Variants in PALLD observed in about 807,000 individuals in gnomAD.
PALLD encodes the protein palladin.
Under a neutral mutation model 123.5 loss-of-function variants are expected in PALLD, and 61 were observed. The ratio of observed to expected loss-of-function variants is 0.49; its 90% confidence interval spans 0.40 to 0.61. The LOEUF is 0.61. PALLD is among the 20% of genes least tolerant of loss of function. The pLI, the probability that PALLD is intolerant of heterozygous loss-of-function variation, is 0.00. For synonymous variants in PALLD, 465 were observed against 496.4 expected (o/e 0.94, Z 0.84); for missense variants, 1,273 against 1,377.0 (o/e 0.92, Z 1.20).
intron 10 of PALLD, among the ~76,000 whole-genome samples, chr4:168,797,546 T>C (rs527909759): frequency 1.1e-3 from 163 of 152,216 alleles, no homozygotes; most frequent in African/African-American, 3.8e-3. Context: ...AGCAGGTGCC[T>C]TACGAAAAAG....
chr4:168,626,197 G>C (rs924874151), intron 2 of PALLD, among the ~76,000 whole-genome samples: 1 of 151,776 alleles, frequency 6.6e-6, no homozygotes, highest in African/African-American at 2.4e-5. Context: ...TCAGGAGATC[G>C]AGACCATCCT....
chr4:168,839,414 G>C (rs1187720298), intron 10 of PALLD, among the ~76,000 whole-genome samples: 1 of 152,108 alleles, frequency 6.6e-6, no homozygotes, highest in Non-Finnish European at 1.5e-5. Flanking sequence ...GCGCTCTGTA[G>C]GTAGTCAATG....
At chr4:168,756,348 G>A (rs1035340814) in intron 10 of PALLD, 3 of 223,518 alleles carry the variant, frequency 1.3e-5, no homozygotes, top group Admixed American at 1.3e-4. Context: ...TGGTATCTAT[G>A]TCTCTGAAAA....
At position 168,887,954 on chromosome 4, in the gene PALLD, G is replaced by C. The variant is rs116808467; in HGVS notation, c.1965-2968G>C. 2.8e-3 allele frequency among the ~76,000 whole-genome samples: 433 copies of C among 152,158 alleles called. 1 individual carries two copies. The highest frequency in any genetic ancestry group is 5.0e-3 in the Non-Finnish European group (337 of 67,986). On this transcript the variant is annotated intron_variant, in intron 10 of 21. Coordinates refer to ENST00000505667, the MANE Select transcript of PALLD (RefSeq NM_001166108.2). ...AGCCATGGTAAGGGAGAGACAATAT[G>C]AAAAAATAGTAGAGTGATAGATGCT...
intron 2 of PALLD, among the ~76,000 whole-genome samples, chr4:168,557,187 G>A (rs1285687569): frequency 6.6e-6 from 1 of 152,110 alleles, no homozygotes; most frequent in East Asian, 1.9e-4. Flanking sequence ...GGGATTACAG[G>A]TGTGTGCCAC....
chr4:168,890,360 C>T (rs1301364530), intron 10 of PALLD, among the ~76,000 whole-genome samples: 2 of 152,098 alleles, frequency 1.3e-5, no homozygotes, highest in Non-Finnish European at 2.9e-5. Flanking sequence ...CATTGGCCTA[C>T]CCTAATCAAA....
chr4:168,686,998 G>A (rs1782126518), intron 6 of PALLD, among the ~76,000 whole-genome samples: 1 of 152,166 alleles, frequency 6.6e-6, no homozygotes. Flanking sequence ...GCAAATTGCT[G>A]GAGAAAGAAT....
chr4:168,779,398 T>C (rs1003813496), intron 10 of PALLD, among the ~76,000 whole-genome samples: 2 of 152,124 alleles, frequency 1.3e-5, no homozygotes, highest in Admixed American at 1.3e-4. Flanking sequence ...ATAAGGATGC[T>C]GGGGAGAAAA....
At chr4:168,802,881 G>A (rs1215372445) in intron 10 of PALLD, among the ~76,000 whole-genome samples, 4 of 152,062 alleles carry the variant, frequency 2.6e-5, no homozygotes, top group Non-Finnish European at 4.4e-5. Flanking sequence ...TAGTAGAGAC[G>A]GGGTTTCTCC....
chr4:168,793,200 C>CATATATATACATATATGTGTGTGT, intron 10 of PALLD, among the ~76,000 whole-genome samples: 2 of 55,996 alleles, frequency 3.6e-5, no homozygotes, highest in Non-Finnish European at 7.2e-5. Context: ...TATATGTGTG[C>CATATATATACATATATGTGTGTGT]ATATATATAC....
chr4:168,654,166 C>T (rs932125190), intron 2 of PALLD, among the ~76,000 whole-genome samples: 10 of 152,146 alleles, frequency 6.6e-5, no homozygotes, highest in African/African-American at 2.4e-4. Flanking sequence ...AACAAAGGAA[C>T]GATTATAATT....
chr4:168,926,525 T>G lies in PALLD; in HGVS notation c.*345T>G, dbSNP rs1182928127. ...AAAAAACACCAAAATAATATTTTTC[T>G]TACTTGATATACCAAACTTAGTTTA... On this transcript the variant is annotated 3_prime_UTR_variant, in exon 22 of 22. Coordinates refer to ENST00000505667, the MANE Select transcript of PALLD (RefSeq NM_001166108.2). 8 of 621,684 alleles carry G rather than the reference T, an allele frequency of 1.3e-5. No homozygotes were observed. Among genetic ancestry groups the G allele is most frequent in the Non-Finnish European group, 2.2e-5 (8 of 370,750 alleles). 38.5% of individuals were successfully genotyped at this position (621,684 alleles called of 1,614,324 possible).
At position 168,679,501 on chromosome 4, in the gene PALLD, GTGTT is replaced by G. The variant is rs200084950; in HGVS notation, c.1088-1827_1088-1824del. 7.9e-3 allele frequency among the ~76,000 whole-genome samples: 1,119 copies of G among 140,786 alleles called. 16 individuals carry two copies. The highest frequency in any genetic ancestry group is 0.029 in the African/African-American group (1,064 of 36,680). 92.4% of individuals were successfully genotyped at this position (140,786 alleles called of 152,430 possible). A position where few individuals can be genotyped will look rare whatever the true frequency, so the allele number is the denominator to read the frequency against. ...GGGTGTGGTGTGTGGTGGGGTGTGT[GTGTT>G]TGTGTGTGGTGGGGTATGTATGGAT... is the stretch of plus-strand genomic sequence containing the variant. On this transcript the variant is annotated intron_variant, in intron 3 of 21. Coordinates refer to ENST00000505667, the MANE Select transcript of PALLD (RefSeq NM_001166108.2).
At chr4:168,781,262 A>G (rs1296878930) in intron 10 of PALLD, among the ~76,000 whole-genome samples, 1 of 152,202 alleles carries the variant, frequency 6.6e-6, no homozygotes, top group Non-Finnish European at 1.5e-5. Flanking sequence ...GTGACTGTTG[A>G]ACAGGATGAT....
rs1358545835 is a variant in PALLD, at chr4:168,924,111, G to A, written c.3059-144G>A. 5 of 686,946 alleles carry A rather than the reference G, an allele frequency of 7.3e-6. No homozygotes were observed. The East Asian group carries it at 1.3e-4, about 19-fold the overall frequency. The allele number at this position is 686,946 out of a possible 1,614,324, so 42.6% of individuals were successfully genotyped here. On this transcript the variant is annotated intron_variant, in intron 18 of 21. Transcript: ENST00000505667. ...CTTTGCTTGGTAAAAGAATAATTTG[G>A]AGAGGGGACTAGCATCTTACCACCT...
intron 2 of PALLD, among the ~76,000 whole-genome samples, chr4:168,605,686 G>T (rs1325798546): frequency 1.3e-5 from 2 of 152,178 alleles, no homozygotes; most frequent in Non-Finnish European, 2.9e-5. Flanking sequence ...CGGACCAGCG[G>T]CTAGCATGTT....
intron 17 of PALLD, among the ~76,000 whole-genome samples, chr4:168,920,176 G>A (rs1262040812): frequency 6.6e-6 from 1 of 152,230 alleles, no homozygotes; most frequent in Non-Finnish European, 1.5e-5. Context: ...AGGTCAGGCA[G>A]TGTACATGGA....
At chr4:168,661,133 T>A (rs747595796) in intron 2 of PALLD, among the ~76,000 whole-genome samples, 1 of 152,152 alleles carries the variant, frequency 6.6e-6, no homozygotes, top group African/African-American at 2.4e-5. Flanking sequence ...TTGCTTGAAC[T>A]CCTGACCTTG....
In PALLD at chr4:168,914,028, A is replaced by C; in HGVS notation, c.2717+7A>C. 2.6e-6 allele frequency: 4 copies of C among 1,511,698 alleles called. No individual in the cohort carries two copies. Among genetic ancestry groups the C allele is most frequent in the Non-Finnish European group, 3.7e-6 (4 of 1,086,956 alleles). 93.6% of individuals were successfully genotyped at this position (1,511,698 alleles called of 1,614,324 possible). A position where few individuals can be genotyped will look rare whatever the true frequency, so the allele number is the denominator to read the frequency against. ...GCCATCCTCATGTCAGAAGGTATTT[A>C]ACATGTTCCTTCCCAGAAGTGTTAC... On this transcript the variant is annotated splice_region_variant and intron_variant, in intron 16 of 21. Transcript: ENST00000505667.
Sources: allele counts gnomAD v4.1 joint callset (sites outside exome capture counted in the v4.1 genomes callset), GRCh38; gene constraint gnomAD v4.1.1; transcripts MANE v1.5; gene names NCBI Gene and HGNC (gene_info 2026-07-23, HGNC 2026-07-21).